The following GALNT16 variants were observed in gnomAD, a reference collection of about 807,000 sequenced individuals.
GALNT16 encodes polypeptide N-acetylgalactosaminyltransferase 16.
A neutral mutation model predicts 76.1 loss-of-function variants in GALNT16; 40 were observed. The observed-to-expected ratio is 0.53, with a 90% CI of 0.41 to 0.68. GALNT16 has a LOEUF of 0.68. Among genes scored for constraint, GALNT16 ranks in the 30% least tolerant of loss-of-function variants. The probability of loss-of-function intolerance (pLI) is 0.00; values close to 1 mark genes in which losing one functional copy is unlikely to be tolerated. For missense variants in GALNT16, 621 were observed against 731.9 expected (o/e 0.85, Z 1.75); for synonymous variants, 276 against 285.2 (o/e 0.97, Z 0.32).
At position 69,260,550 on chromosome 14, in the gene GALNT16, G is replaced by T. The variant is rs1180015131; in HGVS notation, c.177+83G>T. 8.8e-6 allele frequency: 9 copies of T among 1,022,894 alleles called. No homozygotes were observed. The South Asian group carries it at 2.3e-4, about 27-fold the overall frequency. 63.4% of individuals were successfully genotyped at this position (1,022,894 alleles called of 1,614,324 possible). On this transcript the variant is annotated intron_variant, in intron 1 of 14. Coordinates refer to ENST00000448469, the MANE Select transcript of GALNT16 (RefSeq NM_001168368.2). ...CCTGCGCGGCGGCCGAGGGCGCGGG[G>T]CCCGGCCAGGGCTGAGTGCCCGCTG...
At chr14:69,339,740 A>G (rs2045462959) in intron 11 of GALNT16, 121 bp downstream of exon 11, 1 of 619,576 alleles carries the variant, frequency 1.6e-6, no homozygotes, top group Admixed American at 3.1e-5. Flanking sequence ...CTGAGGTCCC[A>G]CTCTAATGGG....
chr14:69,320,173 A>G (rs1228352825), intron 1 of GALNT16, among the ~76,000 whole-genome samples: 1 of 152,260 alleles, frequency 6.6e-6, no homozygotes, highest in Non-Finnish European at 1.5e-5. Flanking sequence ...TTGTGACTTA[A>G]TAGCTCTGAC....
Position 69,333,292 on chromosome 14 carries a change from G to T in GALNT16, c.863+123G>T. ...GCGCACTAAGTGCTGACTCTGTTCT[G>T]GGCCTTCGGACCCTGTATGCAGGGA... On this transcript the variant is annotated intron_variant, in intron 8 of 14. Coordinates refer to ENST00000448469, the MANE Select transcript of GALNT16 (RefSeq NM_001168368.2). This position sits in a 1 kb window ranked among gnomAD's most constrained non-coding sequence, Gnocchi z 4.2. The T allele has an allele frequency of 1.4e-6, 1 of 727,068 alleles. No homozygotes were observed. The highest frequency in any genetic ancestry group is 1.7e-5 in the South Asian group (1 of 57,466). 45.0% of individuals were successfully genotyped at this position (727,068 alleles called of 1,614,324 possible).
chr14:69,345,053 G>C (rs2045543941), intron 12 of GALNT16, among the ~76,000 whole-genome samples: 1 of 152,168 alleles, frequency 6.6e-6, no homozygotes, highest in South Asian at 2.1e-4. Flanking sequence ...CCACTCAGAG[G>C]GGGCAGCTGC....
At position 69,352,074 on chromosome 14, in the gene GALNT16, G is replaced by C; in HGVS notation, c.1583G>C (p.Gly528Ala). 1 of 1,613,966 alleles carries C rather than the reference G, an allele frequency of 6.2e-7. No individual in the cohort carries two copies. The highest frequency in any genetic ancestry group is 8.5e-7 in the Non-Finnish European group (1 of 1,179,838). ...TCTTTCATCCAGCATTCAGTCAGTGGCCTCTGCCTGGAGACAAAGCCTGCC... is the reference window on the plus strand; with the variant it reads ...TCTTTCATCCAGCATTCAGTCAGTGCCCTCTGCCTGGAGACAAAGCCTGCC... ...KGSFIQHSVS[G>A]LCLETKPAQL... is the part of the protein sequence containing the mutation. The change falls in exon 15 of 15, where the codon GGC (glycine) becomes GCC (alanine). Residue 528 changes from glycine to alanine, a missense_variant. Physicochemically the swap from Gly to Ala is moderately conservative, Grantham distance 60. Coordinates refer to ENST00000448469, the MANE Select transcript of GALNT16 (RefSeq NM_001168368.2).
downstream of GALNT16, among the ~76,000 whole-genome samples, chr14:69,359,591 A>C (rs2045711831): frequency 6.6e-6 from 1 of 152,228 alleles, no homozygotes; most frequent in East Asian, 1.9e-4. Context: ...GTTCTCATAC[A>C]CTCACTTTAT....
chr14:69,380,406 T>C, the GALNT16 span: 7 of 512,616 alleles, frequency 1.4e-5, no homozygotes, highest in Non-Finnish European at 2.5e-5. Flanking sequence ...ACATTTCATC[T>C]AATACAGTCA....
In GALNT16 at chr14:69,352,209, C is replaced by G. The variant is rs753720845; in HGVS notation, c.*41C>G. On this transcript the variant is annotated 3_prime_UTR_variant, in exon 15 of 15. Transcript: ENST00000448469. ...CTCCTGTACCTTTTGCATGAGACTT[C>G]GGGACCGGAAGGGGGTTAGGGTGGG... 1.3e-6 allele frequency: 2 copies of G among 1,551,448 alleles called. No individual in the cohort carries two copies. The highest frequency in any genetic ancestry group is 2.7e-5 in the African/African-American group (2 of 73,082).
chr14:69,359,648 T>A (rs1238848190), downstream of GALNT16, among the ~76,000 whole-genome samples: 3 of 152,196 alleles, frequency 2.0e-5, no homozygotes, highest in African/African-American at 7.2e-5. Context: ...TGCCCAAGGA[T>A]AAACAGCTAG....
chr14:69,384,549 C>T, the GALNT16 span, among the ~76,000 whole-genome samples: 1 of 152,172 alleles, frequency 6.6e-6, no homozygotes. Context: ...AGTATGACAT[C>T]CCAAAAGCGT....
the GALNT16 span, among the ~76,000 whole-genome samples, chr14:69,385,489 C>G: frequency 6.6e-6 from 1 of 151,886 alleles, no homozygotes; most frequent in Admixed American, 6.6e-5. Context: ...TTGAACTGTC[C>G]AAGAGCCAAT....
At chr14:69,307,572 C>A (rs2044954572) in intron 1 of GALNT16, among the ~76,000 whole-genome samples, 2 of 152,112 alleles carry the variant, frequency 1.3e-5, no homozygotes, top group Non-Finnish European at 2.9e-5. Flanking sequence ...AGTACCATTA[C>A]CTCCTTTCCG....
At chr14:69,322,961 TGTGTGTGTGTGTGTGTGTGTGC>T (rs2045215565) in intron 2 of GALNT16, among the ~76,000 whole-genome samples, 1 of 72,300 alleles carries the variant, frequency 1.4e-5, no homozygotes, top group Admixed American at 1.5e-4. Context: ...TGTGTGTGTG[TGTGTGTGTGTGTGTGTGTGTGC>T]GCGCGCACGC....
At chr14:69,362,476 A>G in the GALNT16 span, among the ~76,000 whole-genome samples, 1 of 152,192 alleles carries the variant, frequency 6.6e-6, no homozygotes, top group Admixed American at 6.5e-5. Context: ...AAATGTGTCC[A>G]TCTCAGTTAT....
chr14:69,361,544 C>T (rs1319986740), downstream of GALNT16, among the ~76,000 whole-genome samples: 2 of 152,178 alleles, frequency 1.3e-5, no homozygotes, highest in African/African-American at 4.8e-5. Context: ...CCATGTTGCA[C>T]TTGAGGACAC....
chr14:69,297,072 TTTACTC>T (rs1375935532), intron 1 of GALNT16, among the ~76,000 whole-genome samples: 5 of 152,370 alleles, frequency 3.3e-5, no homozygotes, highest in African/African-American at 1.2e-4. Context: ...ATTTCAGTCT[TTTACTC>T]TTAACAGGCA....
downstream of GALNT16, among the ~76,000 whole-genome samples, chr14:69,360,904 G>T (rs1486482753): frequency 6.6e-6 from 1 of 152,242 alleles, no homozygotes; most frequent in Admixed American, 6.5e-5. Flanking sequence ...GGCTCAGAGA[G>T]CTGGGTGCTG....
chr14:69,328,400 A>G (rs2045311359), intron 5 of GALNT16, 50 bp from the exon 6 acceptor site: 1 of 1,585,014 alleles, frequency 6.3e-7, no homozygotes, highest in African/African-American at 1.3e-5. Flanking sequence ...GACAGGTGGG[A>G]AGCCAGTTGG....
chr14:69,285,824 C>T (rs1320897347), intron 1 of GALNT16, among the ~76,000 whole-genome samples: 1 of 152,250 alleles, frequency 6.6e-6, no homozygotes, highest in South Asian at 2.1e-4. Flanking sequence ...CTTCTGGATA[C>T]ATACCCCCTA....
Sources: gnomAD v4.1 joint callset for allele counts (sites outside exome capture counted in the v4.1 genomes callset) on GRCh38, gnomAD v4.1.1 for gene constraint, Gnocchi (gnomAD v3.1) non-coding constraint, MANE v1.5 for transcripts, NCBI Gene and HGNC (gene_info 2026-07-23, HGNC 2026-07-21) for gene names.